Variants in CRACD observed in about 807,000 individuals in gnomAD.
The protein encoded by CRACD is capping protein inhibiting regulator of actin dynamics.
Under a neutral mutation model 106.8 loss-of-function variants are expected in CRACD, and 56 were observed. The observed-to-expected ratio is 0.52, with a 90% CI of 0.42 to 0.66. The LOEUF is 0.66. Among genes scored for constraint, CRACD ranks in the 30% least tolerant of loss-of-function variants. The probability of loss-of-function intolerance (pLI) is 0.00; values close to 1 mark genes in which losing one functional copy is unlikely to be tolerated. For synonymous variants in CRACD, 754 were observed against 670.8 expected, an observed-to-expected ratio of 1.12 and a Z score of -1.92; for missense variants, 1,730 against 1,623.2, an observed-to-expected ratio of 1.07 and a Z score of -1.13.
At chr4:56,203,478 A>G (rs569133905) in intron 2 of CRACD, among the ~76,000 whole-genome samples, 25 of 152,308 alleles carry the variant, frequency 1.6e-4, no homozygotes, top group African/African-American at 6.0e-4. Context: ...CTCTGCCATC[A>G]TCAGTCCATA....
At chr4:56,056,310 T>C (rs1386365691) in intron 1 of CRACD, among the ~76,000 whole-genome samples, 2 of 152,224 alleles carry the variant, frequency 1.3e-5, no homozygotes, top group Non-Finnish European at 2.9e-5. Flanking sequence ...AGGAAAATGC[T>C]TTATACTTCT....
At chr4:56,309,468 G>A (rs1046393187) in intron 5 of CRACD, among the ~76,000 whole-genome samples, 1 of 152,164 alleles carries the variant, frequency 6.6e-6, no homozygotes, top group Non-Finnish European at 1.5e-5. Flanking sequence ...TATAATGCCA[G>A]CACTTTGTGA....
chr4:56,180,051 T>A (rs1285085573), intron 2 of CRACD, among the ~76,000 whole-genome samples: 1 of 152,086 alleles, frequency 6.6e-6, no homozygotes, highest in African/African-American at 2.4e-5. Context: ...TTCATTGTTT[T>A]CTTGCTATTA....
chr4:56,286,546 A>AAAAAAAAAAAAAAAAAAAGAT (rs1743363238), intron 3 of CRACD, among the ~76,000 whole-genome samples: 1 of 149,292 alleles, frequency 6.7e-6, no homozygotes, highest in South Asian at 2.1e-4. Context: ...AAAAAAAAAA[A>AAAAAAAAAAAAAAAAAAAGAT]AGATTACCGT....
intron 2 of CRACD, among the ~76,000 whole-genome samples, chr4:56,186,164 G>A (rs1737087516): frequency 1.3e-5 from 2 of 152,204 alleles, no homozygotes; most frequent in South Asian, 4.1e-4. Context: ...GGCAAATGAG[G>A]TTCTGAGGGA....
At position 56,247,772 on chromosome 4, in the gene CRACD, G is replaced by T. The variant is rs912715832; in HGVS notation, c.-188-24549G>T. Among the ~76,000 whole-genome samples the T allele has an allele frequency of 3.7e-4, 56 of 152,058 alleles. 1 individual carries two copies. Among genetic ancestry groups the T allele is most frequent in the Non-Finnish European group, 7.4e-5 (5 of 68,024 alleles). The stretch of plus-strand genomic sequence containing the variant: ...GAGGCAGGAGAATCACATGAATCCA[G>T]GAGGGGGACGTTGCAGCGAGCCAGG... On this transcript the variant is annotated intron_variant, in intron 2 of 10. Coordinates refer to ENST00000682029, the MANE Select transcript of CRACD (RefSeq NM_001393381.1).
intron 10 of CRACD, among the ~76,000 whole-genome samples, chr4:56,326,843 G>C (rs987598782): frequency 2.0e-5 from 3 of 151,540 alleles, no homozygotes; most frequent in Non-Finnish European, 4.4e-5. Context: ...GGGTTCAAGT[G>C]ATTCTCCTGC....
At chr4:56,253,842 G>C (rs1741187307) in intron 2 of CRACD, among the ~76,000 whole-genome samples, 1 of 152,166 alleles carries the variant, frequency 6.6e-6, no homozygotes, top group African/African-American at 2.4e-5. Context: ...TCACCATAGA[G>C]CCCAAATTAT....
At chr4:56,172,295 C>T (rs11133427) in intron 1 of CRACD, among the ~76,000 whole-genome samples, 1 of 151,910 alleles carries the variant, frequency 6.6e-6, no homozygotes, top group African/African-American at 2.4e-5. Flanking sequence ...TGATGGGAAC[C>T]TAATTCTGCA....
Position 56,314,003 on chromosome 4 carries a change from A to G in CRACD, c.538-37A>G, listed in dbSNP as rs756873000. 1.3e-6 allele frequency: 2 copies of G among 1,587,296 alleles called. No individual in the cohort carries two copies. The highest frequency in any genetic ancestry group is 2.7e-5 in the African/African-American group (2 of 73,634). On this transcript the variant is annotated intron_variant, in intron 7 of 10. Coordinates refer to ENST00000682029, the MANE Select transcript of CRACD (RefSeq NM_001393381.1). The surrounding 1 kb of genome is among the most constrained non-coding windows in gnomAD (Gnocchi z 4.4). ...AAAAGGAACGACTGTGGGTGGAGAAAGCAAAAGGCTAATTGTGTTTTCCTT... is the reference window on the plus strand; with the variant it reads ...AAAAGGAACGACTGTGGGTGGAGAAGGCAAAAGGCTAATTGTGTTTTCCTT...
At chr4:56,232,024 G>A (rs774812667) in intron 2 of CRACD, among the ~76,000 whole-genome samples, 18 of 152,152 alleles carry the variant, frequency 1.2e-4, no homozygotes, top group Non-Finnish European at 2.6e-4. Flanking sequence ...GTTATAATAA[G>A]TTCCAAACAT....
rs1420481544 is a variant in CRACD, at chr4:56,125,764, C to CTTCTTTTTTTTTTT, written c.-335-53518_-335-53517insCTTTTTTTTTTTTT. Among the ~76,000 whole-genome samples the CTTCTTTTTTTTTTT allele has an allele frequency of 5.2e-4, 38 of 73,306 alleles. 2 individuals are homozygous for CTTCTTTTTTTTTTT. Among genetic ancestry groups the CTTCTTTTTTTTTTT allele is most frequent in the Non-Finnish European group, 6.3e-4 (25 of 39,700 alleles). 48.1% of individuals were successfully genotyped at this position (73,306 alleles called of 152,430 possible). A position where few individuals can be genotyped will look rare whatever the true frequency, so the allele number is the denominator to read the frequency against. On this transcript the variant is annotated intron_variant, in intron 1 of 10. Transcript: ENST00000682029. ...ATAATCTATTACTGTCATTCTTCTTCTTTTTTTTTTTTTTTTTTTTTTTTG... is the reference window on the plus strand; with the variant it reads ...ATAATCTATTACTGTCATTCTTCTTCTTCTTTTTTTTTTTTTTTTTTTTTTTTTTTTTTTTTTTG...
intron 1 of CRACD, among the ~76,000 whole-genome samples, chr4:56,093,351 A>G (rs145865663): frequency 6.6e-6 from 1 of 152,328 alleles, no homozygotes; most frequent in African/African-American, 2.4e-5. Flanking sequence ...TCAGAGAGCC[A>G]GGTTGAGAAA....
At chr4:56,307,743 G>A in intron 5 of CRACD, 44 bp downstream of exon 5, 2 of 1,601,138 alleles carry the variant, frequency 1.2e-6, no homozygotes, top group African/African-American at 1.3e-5. Context: ...ATAAACCAGG[G>A]CAGGACATTG....
In CRACD at chr4:56,314,241, C is replaced by G. The variant is rs76736055; in HGVS notation, c.739C>G (p.Arg247Gly). 4,035 of 1,586,696 alleles carry G rather than the reference C, an allele frequency of 2.5e-3. 67 individuals are homozygous for G. The African/African-American group carries it at 0.039, about 15-fold the overall frequency. ...AAAGGCGGAAGCAGCCGAGAAGAGA[C>G]GCCTAGAGGAGCAGAGGCTGCAGGC... ...RQKAEAAEKR[R>G]LEEQRLQALE... Residue 247 changes from arginine to glycine, a missense_variant, in exon 8 of 11, where the codon CGC becomes GGC. By Grantham distance (125) the Arg-to-Gly change is moderately radical. Around this residue, in one of 5 missense-constraint regions of CRACD, gnomAD observed 1,620 missense variants for 1,481.6 expected, o/e 1.09. Transcript: ENST00000682029. The surrounding 1 kb of genome is among the most constrained non-coding windows in gnomAD (Gnocchi z 4.4).
In CRACD at chr4:56,327,900, G is replaced by A; in HGVS notation, c.*96G>A. Reference sequence around the variant, plus strand: ...TATATGGGGTAAAGAAATCAAGCTAGGGAAAAGAAGCATGTTTTATAGGCT... The same window carrying A: ...TATATGGGGTAAAGAAATCAAGCTAAGGAAAAGAAGCATGTTTTATAGGCT... On this transcript the variant is annotated 3_prime_UTR_variant, in exon 11 of 11. Transcript: ENST00000682029. 9.1e-7 allele frequency: 1 copy of A among 1,094,888 alleles called. No homozygotes were observed. The highest frequency in any genetic ancestry group is 2.1e-4 in the Middle Eastern group (1 of 4,746). The allele number at this position is 1,094,888 out of a possible 1,614,324, so 67.8% of individuals were successfully genotyped here. A position where few individuals can be genotyped will look rare whatever the true frequency, so the allele number is the denominator to read the frequency against.
At chr4:56,317,338 C>A (rs1745744156) in intron 8 of CRACD, among the ~76,000 whole-genome samples, 1 of 152,212 alleles carries the variant, frequency 6.6e-6, no homozygotes, top group Non-Finnish European at 1.5e-5. Flanking sequence ...AAGACACTCA[C>A]TCGTGATTCA....
intron 2 of CRACD, among the ~76,000 whole-genome samples, chr4:56,183,285 T>TAAAATAAAATAAAATAAAAA (rs1736931242): frequency 1.4e-5 from 2 of 143,558 alleles, no homozygotes. Flanking sequence ...TAAAATAAAA[T>TAAAATAAAATAAAATAAAAA]AAAAAGAATT....
chr4:56,322,828 A>C (rs1240557154), intron 8 of CRACD, among the ~76,000 whole-genome samples: 1 of 152,224 alleles, frequency 6.6e-6, no homozygotes, highest in African/African-American at 2.4e-5. Context: ...CAGGAGTTCG[A>C]GACCAGCCTG....
Sources: allele counts gnomAD v4.1 joint callset (sites outside exome capture counted in the v4.1 genomes callset), GRCh38; gene constraint gnomAD v4.1.1; regional missense constraint gnomAD v4.1.1; non-coding constraint Gnocchi (gnomAD v3.1); transcripts MANE v1.5; gene names NCBI Gene and HGNC (gene_info 2026-07-23, HGNC 2026-07-21).